The following DYNC1I1 variants were observed in gnomAD, a reference collection of about 807,000 sequenced individuals.
DYNC1I1 encodes the protein cytoplasmic dynein 1 intermediate chain 1.
In DYNC1I1, 43 loss-of-function variants were observed where a neutral mutation model predicts 86.6. The observed-to-expected ratio is 0.50, with a 90% CI of 0.39 to 0.64. DYNC1I1 has a LOEUF of 0.64. Among genes scored for constraint, DYNC1I1 ranks in the 30% least tolerant of loss-of-function variants. The pLI is 0.00. For synonymous variants in DYNC1I1, 262 were observed against 283.7 expected (o/e 0.92, Z 0.77); for missense variants, 604 against 788.8 (o/e 0.77, Z 2.81).
chr7:95,942,567 C>CA (rs1242135379), intron 6 of DYNC1I1, among the ~76,000 whole-genome samples: 3 of 151,996 alleles, frequency 2.0e-5, no homozygotes, highest in African/African-American at 4.8e-5. Flanking sequence ...GAGACACAAA[C>CA]AAAAAAGAGA....
chr7:96,097,738 G>A lies in DYNC1I1; in HGVS notation c.*145G>A, dbSNP rs1305197150. The A allele has an allele frequency of 7.1e-7, 1 of 1,411,910 alleles. No individual in the cohort carries two copies. The highest frequency in any genetic ancestry group is 1.4e-5 in the African/African-American group (1 of 69,596). 87.5% of individuals were successfully genotyped at this position (1,411,910 alleles called of 1,614,324 possible). A position where few individuals can be genotyped will look rare whatever the true frequency, so the allele number is the denominator to read the frequency against. ...CCATATTGTGCCAGCTTTGCTCCAA[G>A]TATTCTAAATGTGTCCCATCATGCT... On this transcript the variant is annotated 3_prime_UTR_variant, in exon 17 of 17. Transcript: ENST00000447467.
chr7:96,050,115 G>A (rs1789358668), intron 14 of DYNC1I1, among the ~76,000 whole-genome samples: 1 of 151,354 alleles, frequency 6.6e-6, no homozygotes, highest in Non-Finnish European at 1.5e-5. Context: ...AGAAAATTTG[G>A]CAACAGAAAT....
rs80039853 is a variant in DYNC1I1, at chr7:95,792,831, G to C, written c.-9-11890G>C. The stretch of plus-strand genomic sequence containing the variant: ...GAGTTGAGACAGAAAGATGAATAGG[G>C]GGCATCAGGTTAAACATGGTGAGAA... On this transcript the variant is annotated intron_variant, in intron 1 of 16. Coordinates refer to ENST00000447467, the MANE Select transcript of DYNC1I1 (RefSeq NM_001135556.2). 9.5e-3 allele frequency among the ~76,000 whole-genome samples: 1,449 copies of C among 152,188 alleles called. 18 individuals are homozygous for C. Among genetic ancestry groups the C allele is most frequent in the African/African-American group, 0.033 (1,352 of 41,516 alleles).
intron 6 of DYNC1I1, among the ~76,000 whole-genome samples, chr7:95,899,265 T>C (rs1157617634): frequency 1.3e-5 from 2 of 152,178 alleles, no homozygotes; most frequent in Admixed American, 6.5e-5. Flanking sequence ...AGACAGAGCT[T>C]CCAAGCATAG....
intron 6 of DYNC1I1, among the ~76,000 whole-genome samples, chr7:95,931,727 C>T (rs540324172): frequency 1.1e-4 from 16 of 152,276 alleles, no homozygotes; most frequent in African/African-American, 2.9e-4. Flanking sequence ...GCTGTGTAGC[C>T]GCAATACAGA....
At chr7:95,885,020 T>C (rs1036411130) in intron 6 of DYNC1I1, among the ~76,000 whole-genome samples, 1 of 152,244 alleles carries the variant, frequency 6.6e-6, no homozygotes, top group African/African-American at 2.4e-5. Context: ...TTTGCATGTA[T>C]TCTAACTAGA....
At chr7:95,963,169 A>T (rs1244659570) in intron 6 of DYNC1I1, among the ~76,000 whole-genome samples, 1 of 152,116 alleles carries the variant, frequency 6.6e-6, no homozygotes, top group Admixed American at 6.5e-5. Flanking sequence ...TCCAACTCGA[A>T]TTGAACTCCA....
chr7:96,083,031 C>T (rs1182874235), intron 16 of DYNC1I1, among the ~76,000 whole-genome samples: 1 of 152,078 alleles, frequency 6.6e-6, no homozygotes, highest in Admixed American at 6.5e-5. Context: ...AGAAAAATCT[C>T]TGTGACATAT....
chr7:96,103,681 C>T (rs115384267), intron 16 of DYNC1I1, among the ~76,000 whole-genome samples: 3 of 151,300 alleles, frequency 2.0e-5, no homozygotes, highest in Non-Finnish European at 2.9e-5. Context: ...AACATGATCT[C>T]GGCTCACCGC....
chr7:95,773,044 C>T (rs1478197696), intron 1 of DYNC1I1, among the ~76,000 whole-genome samples: 3 of 152,206 alleles, frequency 2.0e-5, no homozygotes, highest in Non-Finnish European at 4.4e-5. Flanking sequence ...CACCTGGTCG[C>T]CCACCTTGTG....
At chr7:95,997,161 A>G (rs2115764200) in intron 10 of DYNC1I1, among the ~76,000 whole-genome samples, 1 of 152,300 alleles carries the variant, frequency 6.6e-6, no homozygotes, top group South Asian at 2.1e-4. Context: ...TCTGTATGGT[A>G]AATAACCTTT....
At chr7:96,022,181 T>A (rs567927616) in intron 10 of DYNC1I1, among the ~76,000 whole-genome samples, 142 of 152,280 alleles carry the variant, frequency 9.3e-4, no homozygotes, top group African/African-American at 3.2e-3. Flanking sequence ...TTTCCATTTT[T>A]AAAAAATTAT....
chr7:95,943,786 T>G (rs537524800), intron 6 of DYNC1I1, among the ~76,000 whole-genome samples: 4,830 of 151,262 alleles, frequency 0.032, 209 homozygotes, highest in African/African-American at 0.096. Flanking sequence ...GGATTCCCTA[T>G]TTAATAAATG....
chr7:96,000,971 A>G (rs1463647854), intron 10 of DYNC1I1, among the ~76,000 whole-genome samples: 1 of 152,228 alleles, frequency 6.6e-6, no homozygotes. Context: ...GTTGTTTTAA[A>G]ATCGTTTTAT....
chr7:95,979,200 TA>T (rs1793390772), intron 7 of DYNC1I1, among the ~76,000 whole-genome samples: 1 of 152,182 alleles, frequency 6.6e-6, no homozygotes, highest in African/African-American at 2.4e-5. Flanking sequence ...CAATCTCAGG[TA>T]TCTAAAGGCC....
intron 6 of DYNC1I1, among the ~76,000 whole-genome samples, chr7:95,952,740 A>T (rs1175677062): frequency 2.0e-5 from 3 of 151,820 alleles, no homozygotes; most frequent in Non-Finnish European, 2.9e-5. Flanking sequence ...TAATATGCTT[A>T]AAAAAAAGCT....
intron 16 of DYNC1I1, among the ~76,000 whole-genome samples, chr7:96,090,989 G>A (rs1462046335): frequency 1.3e-5 from 2 of 152,098 alleles, no homozygotes; most frequent in African/African-American, 4.8e-5. Flanking sequence ...GGTATGCTTG[G>A]TCGTTCAGTG....
chr7:95,931,215 G>A (rs1384921462), intron 6 of DYNC1I1, among the ~76,000 whole-genome samples: 5 of 151,232 alleles, frequency 3.3e-5, no homozygotes, highest in East Asian at 1.9e-4. Flanking sequence ...GCGCAATCTC[G>A]GCTCACTGCA....
chr7:95,773,232 C>A (rs1793752109), intron 1 of DYNC1I1, among the ~76,000 whole-genome samples: 1 of 152,224 alleles, frequency 6.6e-6, no homozygotes, highest in Admixed American at 6.5e-5. Flanking sequence ...GTCTGCAAAG[C>A]TCTTAGATGC....
Sources: allele counts gnomAD v4.1 joint callset (sites outside exome capture counted in the v4.1 genomes callset), GRCh38; gene constraint gnomAD v4.1.1; transcripts MANE v1.5; gene names NCBI Gene and HGNC (gene_info 2026-07-23, HGNC 2026-07-21).